Variants in IGSF21 observed in about 807,000 individuals in gnomAD.
IGSF21 encodes immunoglobin superfamily member 21, also known as immunoglobulin superfamily member 21.
Under a neutral mutation model 46.8 loss-of-function variants are expected in IGSF21, and 28 were observed. The ratio of observed to expected loss-of-function variants is 0.60; its 90% confidence interval spans 0.44 to 0.82. The LOEUF is 0.82. Ranked by LOEUF, IGSF21 falls within the 40% of genes least tolerant of loss-of-function variation. The probability of loss-of-function intolerance (pLI) is 0.00; values close to 1 mark genes in which losing one functional copy is unlikely to be tolerated. For missense variants in IGSF21, 624 were observed against 665.5 expected, an observed-to-expected ratio of 0.94 and a Z score of 0.69; for synonymous variants, 284 against 273.6, an observed-to-expected ratio of 1.04 and a Z score of -0.38.
rs892579563 is a variant in IGSF21 at position 18,287,188 on chromosome 1, A to T, written c.184-4678A>T. Among the ~76,000 whole-genome samples the T allele has an allele frequency of 3.0e-4, 22 of 73,324 alleles. 1 individual carries two copies. Among genetic ancestry groups the T allele is most frequent in the Non-Finnish European group, 5.3e-4 (18 of 33,836 alleles). The allele number at this position is 73,324 out of a possible 152,430, so 48.1% of individuals were successfully genotyped here. A position where few individuals can be genotyped will look rare whatever the true frequency, so the allele number is the denominator to read the frequency against. On this transcript the variant is annotated intron_variant, in intron 2 of 9. Coordinates refer to ENST00000251296, the MANE Select transcript of IGSF21 (RefSeq NM_032880.5). ...AGAGCGAGACTCCGTCTCAAAAAAA[A>T]AAAATAAAATAAATAAATAAATAAA... is the stretch of plus-strand genomic sequence containing the variant.
At chr1:18,372,866 GTGGATGGATGGATGGA>G (rs34103654) in intron 6 of IGSF21, among the ~76,000 whole-genome samples, 2 of 115,854 alleles carry the variant, frequency 1.7e-5, no homozygotes, top group African/African-American at 3.7e-5. Flanking sequence ...GGATGGATGG[GTGGATGGATGGATGGA>G]TGGATGGATG....
intron 4 of IGSF21, among the ~76,000 whole-genome samples, chr1:18,356,026 G>A (rs987726916): frequency 2.0e-5 from 3 of 151,872 alleles, no homozygotes; most frequent in African/African-American, 4.8e-5. Context: ...GTAGAGAGAC[G>A]GTTTCTCCAT....
intron 3 of IGSF21, among the ~76,000 whole-genome samples, chr1:18,314,493 T>G (rs956329195): frequency 2.6e-5 from 4 of 152,200 alleles, no homozygotes; most frequent in Non-Finnish European, 5.9e-5. Flanking sequence ...TGGGTTTGAC[T>G]GGTATCGTGG....
intron 1 of IGSF21, among the ~76,000 whole-genome samples, chr1:18,201,788 T>C (rs929651954): frequency 3.9e-5 from 6 of 152,226 alleles, no homozygotes; most frequent in Admixed American, 6.5e-5. Flanking sequence ...TAGCCAAGTC[T>C]GAGCTGTACT....
intron 1 of IGSF21, among the ~76,000 whole-genome samples, chr1:18,213,190 T>G (rs1388839052): frequency 6.6e-6 from 1 of 152,236 alleles, no homozygotes; most frequent in Non-Finnish European, 1.5e-5. Flanking sequence ...CCCACTGATT[T>G]ATTTTGTTGC....
intron 1 of IGSF21, among the ~76,000 whole-genome samples, chr1:18,194,064 A>G (rs1338830536): frequency 6.6e-6 from 1 of 152,174 alleles, no homozygotes; most frequent in Non-Finnish European, 1.5e-5. Flanking sequence ...GTCCCCAGAG[A>G]GTGAAAGAGT....
chr1:18,254,847 C>A (rs1331745972), intron 2 of IGSF21, among the ~76,000 whole-genome samples: 1 of 127,448 alleles, frequency 7.8e-6, no homozygotes, highest in African/African-American at 3.3e-5. Flanking sequence ...TTCTTCTATC[C>A]ATCCATCCAT....
chr1:18,108,410 A>ATAC (rs34958868), intron 1 of IGSF21, among the ~76,000 whole-genome samples: 29,548 of 150,622 alleles, frequency 0.2, 3,540 homozygotes, highest in Non-Finnish European at 0.28. Flanking sequence ...GTGTGTGTGT[A>ATAC]AATTGTGTGT....
At chr1:18,197,114 G>A (rs1316198012) in intron 1 of IGSF21, among the ~76,000 whole-genome samples, 6 of 152,222 alleles carry the variant, frequency 3.9e-5, no homozygotes, top group Admixed American at 3.3e-4. Flanking sequence ...AGGAGGTGAC[G>A]TGCTCAGAGC....
chr1:18,367,603 CTT>C (rs35019096), intron 6 of IGSF21, among the ~76,000 whole-genome samples: 30 of 73,960 alleles, frequency 4.1e-4, no homozygotes, highest in Admixed American at 1.4e-3. Context: ...CTCTCTCTCT[CTT>C]TTTTTTTTTT....
At chr1:18,195,853 G>A (rs2087001713) in intron 1 of IGSF21, among the ~76,000 whole-genome samples, 1 of 152,246 alleles carries the variant, frequency 6.6e-6, no homozygotes, top group Admixed American at 6.5e-5. Context: ...CCCTAGGGCA[G>A]TGCATGGCAA....
chr1:18,146,818 C>T (rs2086470886), intron 1 of IGSF21, among the ~76,000 whole-genome samples: 1 of 152,174 alleles, frequency 6.6e-6, no homozygotes, highest in Admixed American at 6.5e-5. Flanking sequence ...AATTGATCCT[C>T]ATAGCACCCC....
chr1:18,251,209 A>G (rs2084838248), intron 2 of IGSF21, among the ~76,000 whole-genome samples: 1 of 152,076 alleles, frequency 6.6e-6, no homozygotes, highest in South Asian at 2.1e-4. Flanking sequence ...TTCTTAGCAT[A>G]ATAGGACTTA....
intron 2 of IGSF21, among the ~76,000 whole-genome samples, chr1:18,243,927 C>T (rs1234269416): frequency 6.6e-6 from 1 of 152,208 alleles, no homozygotes; most frequent in Non-Finnish European, 1.5e-5. Context: ...GTCACCTCCC[C>T]CATTCTCCAT....
chr1:18,275,254 G>C (rs1043760841), intron 2 of IGSF21, among the ~76,000 whole-genome samples: 1 of 152,176 alleles, frequency 6.6e-6, no homozygotes, highest in African/African-American at 2.4e-5. Context: ...ACCACACTGG[G>C]AGTAGATCTG....
chr1:18,318,465 CGTGTGT>C (rs60257732), intron 3 of IGSF21, among the ~76,000 whole-genome samples: 12 of 148,704 alleles, frequency 8.1e-5, no homozygotes, highest in African/African-American at 2.0e-4. Context: ...TGCGTGCGTG[CGTGTGT>C]GTGTGTGTGT....
At chr1:18,122,424 C>T (rs930164647) in intron 1 of IGSF21, among the ~76,000 whole-genome samples, 6 of 151,872 alleles carry the variant, frequency 4.0e-5, no homozygotes, top group Non-Finnish European at 7.4e-5. Flanking sequence ...CTCCTGACCT[C>T]AAGTGATCTT....
intron 2 of IGSF21, among the ~76,000 whole-genome samples, chr1:18,246,628 G>C (rs1000387917): frequency 6.6e-6 from 1 of 152,122 alleles, no homozygotes. Context: ...GAGCTAGCTC[G>C]GTATGTGCTG....
intron 1 of IGSF21, among the ~76,000 whole-genome samples, chr1:18,128,740 G>A (rs1296996152): frequency 6.6e-6 from 1 of 152,146 alleles, no homozygotes; most frequent in South Asian, 2.1e-4. Context: ...GAGGAGCTGG[G>A]ATTTGACTCC....
Sources: allele counts gnomAD v4.1 joint callset (sites outside exome capture counted in the v4.1 genomes callset), GRCh38; gene constraint gnomAD v4.1.1; transcripts MANE v1.5; gene names NCBI Gene and HGNC (gene_info 2026-07-23, HGNC 2026-07-21).